ADCY2: variants seen among roughly 807,000 people sequenced by gnomAD.
ADCY2 encodes the protein adenylate cyclase 2.
Under a neutral mutation model 125.2 loss-of-function variants are expected in ADCY2, and 31 were observed. That is an observed-to-expected ratio of 0.25 (90% CI 0.19 to 0.33). ADCY2 has a LOEUF of 0.33. Ranked by LOEUF, ADCY2 falls within the 10% of genes least tolerant of loss-of-function variation. The pLI is 1.00. For synonymous variants in ADCY2, 512 were observed against 548.4 expected, an observed-to-expected ratio of 0.93 and a Z score of 0.93; for missense variants, 904 against 1,418.2, an observed-to-expected ratio of 0.64 and a Z score of 5.82.
intron 4 of ADCY2, among the ~76,000 whole-genome samples, chr5:7,630,540 A>G (rs1433654357): frequency 6.6e-6 from 1 of 152,190 alleles, no homozygotes; most frequent in Non-Finnish European, 1.5e-5. Flanking sequence ...ATGGCTTAAA[A>G]CAGAACAGAT....
At chr5:7,807,200 C>G (rs995420198) in intron 22 of ADCY2, among the ~76,000 whole-genome samples, 2 of 152,206 alleles carry the variant, frequency 1.3e-5, no homozygotes, top group African/African-American at 4.8e-5. Context: ...TTCTTCCTGA[C>G]CCTAACTCTG....
At chr5:7,749,852 C>T (rs192874733) in intron 15 of ADCY2, 1 of 152,330 alleles carries the variant, frequency 6.6e-6, no homozygotes, top group Admixed American at 6.5e-5. Flanking sequence ...GTAGGTCACA[C>T]AGCTAATAGA....
At chr5:7,549,770 C>A (rs1735268276) in intron 3 of ADCY2, among the ~76,000 whole-genome samples, 1 of 152,160 alleles carries the variant, frequency 6.6e-6, no homozygotes, top group Admixed American at 6.5e-5. Context: ...GAGATGCAGT[C>A]CCCCGACAAG....
At chr5:7,653,690 A>C (rs750437479) in intron 4 of ADCY2, among the ~76,000 whole-genome samples, 3 of 152,192 alleles carry the variant, frequency 2.0e-5, no homozygotes, top group African/African-American at 7.2e-5. Flanking sequence ...CAAATATTTT[A>C]TCTTGATGTT....
chr5:7,512,233 A>AAAAG (rs1554015572), intron 2 of ADCY2, among the ~76,000 whole-genome samples: 2,490 of 143,838 alleles, frequency 0.017, 149 homozygotes, highest in African/African-American at 0.063. Context: ...AAAAAAAAAA[A>AAAAG]AAAAAAAGAA....
At position 7,552,053 on chromosome 5, in the gene ADCY2, C is replaced by G. The variant is rs563487781; in HGVS notation, c.570+31154C>G. Among the ~76,000 whole-genome samples, 6 of 152,242 alleles carry G rather than the reference C, an allele frequency of 3.9e-5. 1 individual carries two copies. The South Asian group carries it at 6.2e-4, about 16-fold the overall frequency. Reference sequence around the variant, plus strand: ...TGTGCCATTTAATTAAAATTACTATCAATGGCTTAATGAGAATCCTATAAT... The same window carrying G: ...TGTGCCATTTAATTAAAATTACTATGAATGGCTTAATGAGAATCCTATAAT... On this transcript the variant is annotated intron_variant, in intron 3 of 24. Transcript: ENST00000338316.
At chr5:7,675,794 A>G (rs754482578) in intron 4 of ADCY2, among the ~76,000 whole-genome samples, 12 of 152,196 alleles carry the variant, frequency 7.9e-5, no homozygotes, top group Non-Finnish European at 1.2e-4. Flanking sequence ...ACTGGATCCA[A>G]TTATGAACTT....
chr5:7,533,041 A>G (rs1734700879), intron 3 of ADCY2, among the ~76,000 whole-genome samples: 3 of 149,720 alleles, frequency 2.0e-5, no homozygotes, highest in Non-Finnish European at 4.4e-5. Context: ...ATGTATATAA[A>G]CATTTGATAT....
intron 2 of ADCY2, among the ~76,000 whole-genome samples, chr5:7,456,856 T>C (rs1158798837): frequency 6.6e-6 from 1 of 152,210 alleles, no homozygotes; most frequent in Non-Finnish European, 1.5e-5. Flanking sequence ...AAAAGAGATG[T>C]GTTTATTCTT....
intron 4 of ADCY2, among the ~76,000 whole-genome samples, chr5:7,676,206 AG>A (rs1740121525): frequency 6.6e-6 from 1 of 152,220 alleles, no homozygotes; most frequent in Non-Finnish European, 1.5e-5. Context: ...TGAACATTTA[AG>A]GATCTTCTGC....
At chr5:7,508,568 T>G (rs1206976020) in intron 2 of ADCY2, among the ~76,000 whole-genome samples, 1 of 152,156 alleles carries the variant, frequency 6.6e-6, no homozygotes, top group East Asian at 1.9e-4. Context: ...GGCAAAAATA[T>G]GGACTGAGGC....
At chr5:7,422,931 A>G (rs947492468) in intron 2 of ADCY2, among the ~76,000 whole-genome samples, 4 of 152,140 alleles carry the variant, frequency 2.6e-5, no homozygotes, top group Non-Finnish European at 4.4e-5. Flanking sequence ...TGTATTTACC[A>G]CTGGAAGAAC....
intron 2 of ADCY2, among the ~76,000 whole-genome samples, chr5:7,418,784 T>A (rs1358744715): frequency 1.3e-5 from 2 of 150,780 alleles, no homozygotes; most frequent in African/African-American, 4.9e-5. Context: ...GCCTCCTGAG[T>A]AGCTGGGATT....
chr5:7,584,845 A>G (rs62342983), intron 3 of ADCY2, among the ~76,000 whole-genome samples: 8,881 of 152,226 alleles, frequency 0.058, 313 homozygotes, highest in Middle Eastern at 0.11. Context: ...AAATTTGCCA[A>G]AATGCGTGAA....
intron 20 of ADCY2, among the ~76,000 whole-genome samples, chr5:7,792,982 G>A (rs1380333072): frequency 6.6e-6 from 1 of 152,188 alleles, no homozygotes; most frequent in Non-Finnish European, 1.5e-5. Context: ...CGCATGAGAG[G>A]GAAGACAGCA....
intron 3 of ADCY2, among the ~76,000 whole-genome samples, chr5:7,552,835 A>G (rs2126576209): frequency 6.6e-6 from 1 of 152,240 alleles, no homozygotes; most frequent in East Asian, 1.9e-4. Context: ...CCTGTATGGT[A>G]TTTTTAAATA....
intron 2 of ADCY2, among the ~76,000 whole-genome samples, chr5:7,471,371 A>T (rs952822487): frequency 2.7e-5 from 4 of 150,484 alleles, no homozygotes; most frequent in Admixed American, 6.6e-5. Flanking sequence ...TTAATGATTT[A>T]AAAAAATCTC....
At position 7,743,686 on chromosome 5, in the gene ADCY2, C is replaced by G. The variant is rs774028849; in HGVS notation, c.1890C>G (p.Ile630Met). The G allele has an allele frequency of 1.2e-5, 20 of 1,614,020 alleles. No individual in the cohort carries two copies. In the African/African-American group the frequency reaches 2.5e-4, roughly 20 times the overall value. The change falls in exon 15 of 25, where the codon ATC becomes ATG. Residue 630 changes from isoleucine to methionine, a missense_variant. Transcript: ENST00000338316. Reference sequence around the variant, plus strand: ...CCGGTAGAACGTCCGTCCTGGGCATCTCCTTTGGGGCTGCGTTTCTCTTGC... The same window carrying G: ...CCGGTAGAACGTCCGTCCTGGGCATGTCCTTTGGGGCTGCGTTTCTCTTGC... ...LVLPKTSVLGISFGAAFLLLA... is the reference protein window; with the variant it reads ...LVLPKTSVLGMSFGAAFLLLA...
At chr5:7,736,466 T>A (rs1742255451) in intron 14 of ADCY2, among the ~76,000 whole-genome samples, 1 of 152,186 alleles carries the variant, frequency 6.6e-6, no homozygotes, top group South Asian at 2.1e-4. Flanking sequence ...AAACAGATAG[T>A]CAGCTCTATT....
Sources: gnomAD v4.1 joint callset for allele counts (sites outside exome capture counted in the v4.1 genomes callset) on GRCh38, gnomAD v4.1.1 for gene constraint, MANE v1.5 for transcripts, NCBI Gene and HGNC (gene_info 2026-07-23, HGNC 2026-07-21) for gene names.